The following GDI2 variants were observed in gnomAD, a reference collection of about 807,000 sequenced individuals.
GDI2 encodes the protein GDP dissociation inhibitor 2.
GDI2 carries 22 observed loss-of-function variants against 54.2 expected under a neutral mutation model. That is an observed-to-expected ratio of 0.41 (90% CI 0.29 to 0.58). The LOEUF (loss-of-function observed/expected upper bound fraction) is 0.58. Among genes scored for constraint, GDI2 ranks in the 20% least tolerant of loss-of-function variants. The pLI is 0.35. For synonymous variants in GDI2, 177 were observed against 182.1 expected (o/e 0.97, Z 0.23); for missense variants, 422 against 546.0 (o/e 0.77, Z 2.26).
At chr10:5,786,219 G>A (rs112762271) in intron 4 of GDI2, among the ~76,000 whole-genome samples, 169 bp from the exon 5 acceptor site, 2,982 of 125,284 alleles carry the variant, frequency 0.024, 41 homozygotes, top group Middle Eastern at 0.091. Context: ...CGCCTAGACT[G>A]GAGTGCAATG....
intron 4 of GDI2, among the ~76,000 whole-genome samples, chr10:5,791,127 AC>A (rs906969348): frequency 2.0e-5 from 3 of 152,124 alleles, no homozygotes; most frequent in African/African-American, 7.2e-5. Context: ...CCTCACTTCT[AC>A]AAAAAATTTT....
At chr10:5,812,348 A>G (rs1267851621) in intron 1 of GDI2, among the ~76,000 whole-genome samples, 1 of 152,226 alleles carries the variant, frequency 6.6e-6, no homozygotes, top group Non-Finnish European at 1.5e-5. Flanking sequence ...TTCATATATT[A>G]CAATGCATTC....
intron 1 of GDI2, among the ~76,000 whole-genome samples, chr10:5,802,324 G>C (rs980388032): frequency 1.3e-5 from 2 of 152,090 alleles, no homozygotes; most frequent in African/African-American, 4.8e-5. Context: ...AACTTGGCCG[G>C]GCACAGCTGC....
intron 2 of GDI2, 31 bp downstream of exon 2, chr10:5,800,567 G>T: frequency 1.1e-6 from 1 of 947,542 alleles, no homozygotes; most frequent in Non-Finnish European, 1.8e-6. Flanking sequence ...CACAAAGTGT[G>T]AGAGGCGTAT....
chr10:5,779,194 A>AAAAC (rs1314505124), intron 6 of GDI2, among the ~76,000 whole-genome samples: 1 of 152,222 alleles, frequency 6.6e-6, no homozygotes, highest in Non-Finnish European at 1.5e-5. Flanking sequence ...CAAAACAGTC[A>AAAAC]AGTAAATAGA....
chr10:5,766,754 ATCT>A lies in GDI2; in HGVS notation c.992-119_992-117del. 1.4e-6 allele frequency: 1 copy of A among 714,498 alleles called. No homozygotes were observed. The highest frequency in any genetic ancestry group is 2.4e-6 in the Non-Finnish European group (1 of 412,900). The allele number at this position is 714,498 out of a possible 1,614,324, so 44.3% of individuals were successfully genotyped here. A position where few individuals can be genotyped will look rare whatever the true frequency, so the allele number is the denominator to read the frequency against. ...GTTAAAATTACTCTCAATAGGCAAG[ATCT>A]TCTACACTTAAGTTCTAAATGGTGA... On this transcript the variant is annotated intron_variant, in intron 8 of 10. Transcript: ENST00000380191. The surrounding 1 kb of genome is among the most constrained non-coding windows in gnomAD (Gnocchi z 5.8).
intron 3 of GDI2, among the ~76,000 whole-genome samples, chr10:5,796,258 G>C (rs1041473848): frequency 6.6e-6 from 1 of 151,386 alleles, no homozygotes; most frequent in African/African-American, 2.4e-5. Context: ...GCTGAGGCAG[G>C]AGAATTGCTT....
rs1840331618 is a variant in GDI2, at chr10:5,766,326, C to T, written c.1137-31G>A. 6.4e-7 allele frequency: 1 copy of T among 1,565,854 alleles called. No individual in the cohort carries two copies. The highest frequency in any genetic ancestry group is 8.8e-7 in the Non-Finnish European group (1 of 1,135,912). The stretch of plus-strand genomic sequence containing the variant: ...GGGAGAGAGAATTCAGTCAGGTGAG[C>T]TGGTCCCACACCTGACCATGGCTCT... On this transcript the variant is annotated intron_variant, in intron 9 of 10. Transcript: ENST00000380191. The surrounding 1 kb of genome is among the most constrained non-coding windows in gnomAD (Gnocchi z 5.8).
intron 4 of GDI2, among the ~76,000 whole-genome samples, chr10:5,791,727 C>T (rs1156513780): frequency 2.9e-5 from 4 of 138,770 alleles, no homozygotes; most frequent in Admixed American, 7.9e-5. Context: ...GCAACAAGAG[C>T]GAAACTCCGT....
chr10:5,766,860 G>C lies in GDI2; in HGVS notation c.992-222C>G, dbSNP rs568793056. On this transcript the variant is annotated intron_variant, in intron 8 of 10. Transcript: ENST00000380191. The surrounding 1 kb of genome is among the most constrained non-coding windows in gnomAD (Gnocchi z 5.8). ...CTACTAGAGATTAAGAATTGAAGTG[G>C]TAGCGAACTGCTGAAGTTTGGAATG... Among the ~76,000 whole-genome samples, 1 of 152,328 alleles carries C rather than the reference G, an allele frequency of 6.6e-6. No individual in the cohort carries two copies. Among genetic ancestry groups the C allele is most frequent in the South Asian group, 2.1e-4 (1 of 4,826 alleles).
chr10:5,781,173 TAA>T lies in GDI2; in HGVS notation c.719+3967_719+3968del, dbSNP rs56401510. On this transcript the variant is annotated intron_variant, in intron 6 of 10. Coordinates refer to ENST00000380191, the MANE Select transcript of GDI2 (RefSeq NM_001494.4). ...GCTAAAACAACTAAATATTCGTATGTAAAAAAAAAAAAGAACCTCAAGTCTTA... is the reference window on the plus strand; with the variant it reads ...GCTAAAACAACTAAATATTCGTATGTAAAAAAAAAAGAACCTCAAGTCTTA... 6.6e-3 allele frequency among the ~76,000 whole-genome samples: 887 copies of T among 134,060 alleles called. 13 individuals are homozygous for T. Among genetic ancestry groups the T allele is most frequent in the Middle Eastern group, 0.05 (12 of 242 alleles). 87.9% of individuals were successfully genotyped at this position (134,060 alleles called of 152,430 possible).
Position 5,766,352 on chromosome 10 carries a change from G to T in GDI2, c.1137-57C>A. On this transcript the variant is annotated intron_variant, in intron 9 of 10. Coordinates refer to ENST00000380191, the MANE Select transcript of GDI2 (RefSeq NM_001494.4). The surrounding 1 kb of genome is among the most constrained non-coding windows in gnomAD (Gnocchi z 5.8). ...TGGTCCCACACCTGACCATGGCTCTGCCTGAGGTCAACTGAGAGGTACAGA... is the reference window on the plus strand; with the variant it reads ...TGGTCCCACACCTGACCATGGCTCTTCCTGAGGTCAACTGAGAGGTACAGA... 6.6e-7 allele frequency: 1 copy of T among 1,507,892 alleles called. No individual in the cohort carries two copies. Among genetic ancestry groups the T allele is most frequent in the East Asian group, 2.3e-5 (1 of 44,416 alleles). 93.4% of individuals were successfully genotyped at this position (1,507,892 alleles called of 1,614,324 possible). A position where few individuals can be genotyped will look rare whatever the true frequency, so the allele number is the denominator to read the frequency against.
intron 1 of GDI2, among the ~76,000 whole-genome samples, chr10:5,810,561 A>C (rs991344337): frequency 6.6e-6 from 1 of 152,230 alleles, no homozygotes; most frequent in African/African-American, 2.4e-5. Context: ...AAGGGGGCAA[A>C]AGTTCCTACA....
intron 4 of GDI2, among the ~76,000 whole-genome samples, chr10:5,791,923 C>A (rs1377937222): frequency 2.6e-5 from 4 of 151,954 alleles, no homozygotes; most frequent in Admixed American, 6.6e-5. Flanking sequence ...CCTGTTTACA[C>A]TGAATGAGCA....
At chr10:5,779,239 C>T (rs72772365) in intron 6 of GDI2, among the ~76,000 whole-genome samples, 2,586 of 152,110 alleles carry the variant, frequency 0.017, 25 homozygotes, top group Middle Eastern at 0.041. Flanking sequence ...AGGCCGGGAA[C>T]GGTGACTCAT....
chr10:5,775,066 T>C (rs555208921), intron 6 of GDI2, among the ~76,000 whole-genome samples: 1 of 152,368 alleles, frequency 6.6e-6, no homozygotes, highest in South Asian at 2.1e-4. Context: ...GGCCAGCAGA[T>C]GGCTTGAACG....
chr10:5,801,269 G>T (rs1234783415), intron 1 of GDI2, among the ~76,000 whole-genome samples: 2 of 152,160 alleles, frequency 1.3e-5, no homozygotes, highest in African/African-American at 4.8e-5. Flanking sequence ...CCTTTTCAGT[G>T]TTGACACTTC....
chr10:5,805,789 A>T (rs531495426), intron 1 of GDI2, among the ~76,000 whole-genome samples: 2 of 152,198 alleles, frequency 1.3e-5, no homozygotes, highest in Middle Eastern at 3.2e-3. Flanking sequence ...GATCCTGTTA[A>T]ACTGTAGATT....
intron 4 of GDI2, among the ~76,000 whole-genome samples, chr10:5,790,352 A>G (rs1193411035): frequency 6.6e-6 from 1 of 152,184 alleles, no homozygotes; most frequent in Non-Finnish European, 1.5e-5. Context: ...TATATAATAC[A>G]TTATCACAAG....
Sources: gnomAD v4.1 joint callset for allele counts (sites outside exome capture counted in the v4.1 genomes callset) on GRCh38, gnomAD v4.1.1 for gene constraint, Gnocchi (gnomAD v3.1) non-coding constraint, MANE v1.5 for transcripts, NCBI Gene and HGNC (gene_info 2026-07-23, HGNC 2026-07-21) for gene names.